The following SMAP2 variants were observed in gnomAD, a reference collection of about 807,000 sequenced individuals.
SMAP2 encodes the protein small ArfGAP2, also known as stromal membrane-associated protein 2.
Under a neutral mutation model 56.4 loss-of-function variants are expected in SMAP2, and 25 were observed. The ratio of observed to expected loss-of-function variants is 0.44; its 90% CI spans 0.32 to 0.62. The LOEUF (loss-of-function observed/expected upper bound fraction) is 0.62. Ranked by LOEUF, SMAP2 falls within the 20% of genes least tolerant of loss-of-function variation. The probability of loss-of-function intolerance (pLI) is 0.04; values close to 1 mark genes in which losing one functional copy is unlikely to be tolerated. For synonymous variants in SMAP2, 157 were observed against 181.7 expected, an observed-to-expected ratio of 0.86 and a Z score of 1.09; for missense variants, 388 against 545.6, an observed-to-expected ratio of 0.71 and a Z score of 2.88.
intron 2 of SMAP2, among the ~76,000 whole-genome samples, chr1:40,365,704 A>G (rs1439972494): frequency 6.6e-6 from 1 of 152,202 alleles, no homozygotes; most frequent in Non-Finnish European, 1.5e-5. Flanking sequence ...CCATCTGTAC[A>G]TCACCATCAT....
At chr1:40,395,577 T>TACTAAAAGTTAACTGCCTTCA (rs56320868) in intron 1 of SMAP2, among the ~76,000 whole-genome samples, 1 of 152,024 alleles carries the variant, frequency 6.6e-6, no homozygotes, top group Non-Finnish European at 1.5e-5. Flanking sequence ...GAGCCAAATT[T>TACTAAAAGTTAACTGCCTTCA]ACCTTTCCAG....
intron 2 of SMAP2, among the ~76,000 whole-genome samples, chr1:40,364,495 C>T (rs1275518579): frequency 2.6e-5 from 4 of 152,170 alleles, no homozygotes; most frequent in Non-Finnish European, 5.9e-5. Flanking sequence ...GTAATCCCAG[C>T]ACTTTGGGAG....
At chr1:40,415,426 G>C (rs1369081051) in intron 7 of SMAP2, 45 bp downstream of exon 7, 1 of 1,286,330 alleles carries the variant, frequency 7.8e-7, no homozygotes, top group Admixed American at 1.7e-5. Flanking sequence ...TTCTGAAATG[G>C]GTGATTTTGA....
chr1:40,383,723 G>A (rs1460588055), intron 1 of SMAP2, among the ~76,000 whole-genome samples: 4 of 152,118 alleles, frequency 2.6e-5, no homozygotes, highest in African/African-American at 4.8e-5. Flanking sequence ...GCAACTTATC[G>A]TTTGGTTACT....
At chr1:40,401,796 A>G (rs1394314059) in intron 1 of SMAP2, among the ~76,000 whole-genome samples, 4 of 152,212 alleles carry the variant, frequency 2.6e-5, no homozygotes, top group Non-Finnish European at 5.9e-5. Context: ...AAACTTGTCA[A>G]AATACATGCA....
intron 1 of SMAP2, among the ~76,000 whole-genome samples, chr1:40,345,400 A>C (rs1020079469): frequency 6.6e-6 from 1 of 152,066 alleles, no homozygotes; most frequent in Non-Finnish European, 1.5e-5. Context: ...AAAAAAAAAA[A>C]AAGTAAACAG....
At chr1:40,414,657 A>G (rs576147890) in intron 6 of SMAP2, among the ~76,000 whole-genome samples, 1 of 152,314 alleles carries the variant, frequency 6.6e-6, no homozygotes, top group East Asian at 1.9e-4. Flanking sequence ...TGAGCCCTCC[A>G]TAAATGTTAG....
At chr1:40,390,662 A>G (rs1285100615) in intron 1 of SMAP2, among the ~76,000 whole-genome samples, 2 of 152,168 alleles carry the variant, frequency 1.3e-5, no homozygotes, top group African/African-American at 2.4e-5. Context: ...AAAGAACAAG[A>G]TATCAATTTA....
chr1:40,359,225 C>T (rs548789629), intron 1 of SMAP2, among the ~76,000 whole-genome samples: 2 of 152,326 alleles, frequency 1.3e-5, no homozygotes, highest in East Asian at 1.9e-4. Flanking sequence ...GCCTCAGCCT[C>T]CCAAGTAGCT....
At chr1:40,396,509 GCTTAA>G (rs1644773580) in intron 1 of SMAP2, among the ~76,000 whole-genome samples, 1 of 152,154 alleles carries the variant, frequency 6.6e-6, no homozygotes. Flanking sequence ...ACATTTTTAA[GCTTAA>G]CTTATGCTCT....
chr1:40,371,926 CT>C (rs1209449925), upstream of SMAP2, among the ~76,000 whole-genome samples: 1 of 152,170 alleles, frequency 6.6e-6, no homozygotes, highest in East Asian at 1.9e-4. Flanking sequence ...GCTAAGTAAC[CT>C]GCTCAAAGTC....
chr1:40,394,579 C>T (rs1339376658), intron 1 of SMAP2, among the ~76,000 whole-genome samples: 1 of 152,058 alleles, frequency 6.6e-6, no homozygotes, highest in Non-Finnish European at 1.5e-5. Context: ...CTTTCTCCCT[C>T]CTTAAAATAT....
rs1644909674 is a variant in SMAP2 at position 40,408,819 on chromosome 1, T to A, written c.323+81T>A. 9.4e-7 allele frequency: 1 copy of A among 1,064,922 alleles called. No individual in the cohort carries two copies. Among genetic ancestry groups the A allele is most frequent in the Non-Finnish European group, 1.5e-6 (1 of 687,614 alleles). 66.0% of individuals were successfully genotyped at this position (1,064,922 alleles called of 1,614,324 possible). A position where few individuals can be genotyped will look rare whatever the true frequency, so the allele number is the denominator to read the frequency against. ...GTCAGACAAGACTCCAGTCCTGTAA[T>A]GTGACTGGGTCATCTCTATGTGGAT... On this transcript the variant is annotated intron_variant, in intron 3 of 9. Coordinates refer to ENST00000372718, the MANE Select transcript of SMAP2 (RefSeq NM_022733.3). This position sits in a 1 kb window ranked among gnomAD's most constrained non-coding sequence, Gnocchi z 4.3.
At chr1:40,399,031 T>TG (rs1442019088) in intron 1 of SMAP2, among the ~76,000 whole-genome samples, 2 of 152,228 alleles carry the variant, frequency 1.3e-5, no homozygotes, top group African/African-American at 4.8e-5. Context: ...GGCTCACTCC[T>TG]GTAATCTCAG....
chr1:40,391,588 A>T (rs1390443897), intron 1 of SMAP2, among the ~76,000 whole-genome samples: 2 of 152,156 alleles, frequency 1.3e-5, no homozygotes, highest in Non-Finnish European at 2.9e-5. Flanking sequence ...AGAATCTAGT[A>T]TTATGATAGT....
intron 4 of SMAP2, among the ~76,000 whole-genome samples, chr1:40,412,111 T>C (rs1029823145): frequency 4.6e-5 from 7 of 152,220 alleles, no homozygotes; most frequent in Admixed American, 2.6e-4. Flanking sequence ...GTGGCATAAA[T>C]GTTATTTAAT....
At chr1:40,411,194 C>A (rs970627526) in intron 4 of SMAP2, among the ~76,000 whole-genome samples, 1 of 152,152 alleles carries the variant, frequency 6.6e-6, no homozygotes, top group Non-Finnish European at 1.5e-5. Context: ...AGGACTCTTA[C>A]CTTGCAGTTA....
At chr1:40,415,110 G>A (rs1644974163) in intron 6 of SMAP2, among the ~76,000 whole-genome samples, 162 bp from the exon 7 acceptor site, 1 of 152,186 alleles carries the variant, frequency 6.6e-6, no homozygotes, top group Non-Finnish European at 1.5e-5. Flanking sequence ...GGAATGTGGG[G>A]TGAAGCCTCT....
chr1:40,358,261 G>A (rs943947582), intron 1 of SMAP2, among the ~76,000 whole-genome samples: 5 of 151,972 alleles, frequency 3.3e-5, no homozygotes, highest in African/African-American at 9.7e-5. Flanking sequence ...ACTGATTTTT[G>A]GCCGGGTGCA....
Sources: allele counts gnomAD v4.1 joint callset (sites outside exome capture counted in the v4.1 genomes callset), GRCh38; gene constraint gnomAD v4.1.1; non-coding constraint Gnocchi (gnomAD v3.1); transcripts MANE v1.5; gene names NCBI Gene and HGNC (gene_info 2026-07-23, HGNC 2026-07-21).